The following DMXL2 variants were observed in gnomAD, a reference collection of about 807,000 sequenced individuals.
DMXL2 encodes the protein dmX-like protein 2.
DMXL2 carries 103 observed loss-of-function variants against 331.1 expected under a neutral mutation model. That is an observed-to-expected ratio of 0.31 (90% confidence interval 0.27 to 0.37). The LOEUF is 0.37. Ranked by LOEUF, DMXL2 falls within the 10% of genes least tolerant of loss-of-function variation. DMXL2 has a pLI of 1.00. For missense variants in DMXL2, 3,171 were observed against 3,642.9 expected, an observed-to-expected ratio of 0.87 and a Z score of 3.33; for synonymous variants, 1,281 against 1,252.1, an observed-to-expected ratio of 1.02 and a Z score of -0.49.
In DMXL2 at chr15:51,465,637, T is replaced by C. The variant is rs559189714; in HGVS notation, c.7535A>G (p.His2512Arg). 2 of 1,601,066 alleles carry C rather than the reference T, an allele frequency of 1.2e-6. No individual in the cohort carries two copies. Among genetic ancestry groups the C allele is most frequent in the South Asian group, 1.1e-5 (1 of 88,022 alleles). Residue 2512 changes from histidine (H) to arginine (R), a missense_variant, in exon 31 of 44, where the codon CAT becomes CGT. By Grantham distance (29) the His-to-Arg change is conservative. Around this residue, in one of 7 missense-constraint regions of DMXL2, gnomAD observed 766 missense variants for 940.5 expected, o/e 0.81. Coordinates refer to ENST00000560891, the MANE Select transcript of DMXL2 (RefSeq NM_001378457.1). ...DPNSYSWALL[H>R]LTMVKLALHN... is the part of the protein sequence containing the mutation. ...AAGTGCTAGTTTAACCATTGTCAAA[T>C]GTAGAAGAGCCCAGCTGTTCAAGGA...
intron 20 of DMXL2, among the ~76,000 whole-genome samples, chr15:51,489,141 T>C (rs2042610487): frequency 1.3e-5 from 2 of 152,224 alleles, no homozygotes; most frequent in Non-Finnish European, 2.9e-5. Flanking sequence ...ACATGTTATA[T>C]TGTATGCAAT....
In DMXL2 at chr15:51,576,183, T is replaced by TA. The variant is rs3078066; in HGVS notation, c.88-3dup. On this transcript the variant is annotated splice_region_variant and splice_polypyrimidine_tract_variant and intron_variant, in intron 1 of 43. Transcript: ENST00000560891. ...AATATCACAGCCTGATCCATATGCC[T>TA]AAAAAAAAAAAAAAAAAAAAGTTTT... The TA allele has an allele frequency of 0.063, 39,597 of 624,222 alleles. 10 individuals carry two copies. The highest frequency in any genetic ancestry group is 0.068 in the Non-Finnish European group (33,292 of 490,862). The allele number at this position is 624,222 out of a possible 1,614,324, so 38.7% of individuals were successfully genotyped here. A position where few individuals can be genotyped will look rare whatever the true frequency, so the allele number is the denominator to read the frequency against.
intron 1 of DMXL2, among the ~76,000 whole-genome samples, chr15:51,609,941 A>AC (rs2053847212): frequency 2.4e-5 from 1 of 42,452 alleles, no homozygotes; most frequent in African/African-American, 6.7e-5. Flanking sequence ...AAAAAAAAAA[A>AC]AAAAAACTAT....
intron 1 of DMXL2, chr15:51,603,656 G>A (rs1451317345): frequency 6.6e-6 from 1 of 151,970 alleles, no homozygotes; most frequent in Non-Finnish European, 1.5e-5. Flanking sequence ...CACGAGGTCA[G>A]GAGATCGACA....
chr15:51,454,724 TG>T (rs1482832829), intron 40 of DMXL2, among the ~76,000 whole-genome samples: 1 of 152,194 alleles, frequency 6.6e-6, no homozygotes, highest in Admixed American at 6.5e-5. Context: ...CTCGAACTCC[TG>T]ACCTTGTGAT....
chr15:51,525,980 C>T (rs994355616), intron 13 of DMXL2, among the ~76,000 whole-genome samples: 1 of 151,796 alleles, frequency 6.6e-6, no homozygotes, highest in African/African-American at 2.4e-5. Flanking sequence ...GTGGTTACAG[C>T]AGGCTTTGGG....
In DMXL2 at chr15:51,517,175, T is replaced by C. The variant is rs766412929; in HGVS notation, c.2437-8A>G. ...CACTTCTCCAATAAGTTTCTGTAAATAAAAAACACAAAATGTTAATGGCCA... is the reference window on the plus strand; with the variant it reads ...CACTTCTCCAATAAGTTTCTGTAAACAAAAAACACAAAATGTTAATGGCCA... On this transcript the variant is annotated splice_region_variant and splice_polypyrimidine_tract_variant and intron_variant, in intron 13 of 43. Coordinates refer to ENST00000560891, the MANE Select transcript of DMXL2 (RefSeq NM_001378457.1). 1.9e-6 allele frequency: 3 copies of C among 1,606,210 alleles called. No individual in the cohort carries two copies. The highest frequency in any genetic ancestry group is 2.6e-6 in the Non-Finnish European group (3 of 1,173,106).
At chr15:51,513,553 AT>A (rs1819532037) in intron 15 of DMXL2, among the ~76,000 whole-genome samples, 1 of 152,184 alleles carries the variant, frequency 6.6e-6, no homozygotes, top group Non-Finnish European at 1.5e-5. Context: ...CCTCAATCTG[AT>A]TTTCACTAAA....
intron 8 of DMXL2, 61 bp downstream of exon 8, chr15:51,545,522 G>A: frequency 6.7e-7 from 1 of 1,485,598 alleles, no homozygotes; most frequent in Non-Finnish European, 9.3e-7. Context: ...GTTAGTTCAT[G>A]AATTTCCACC....
intron 8 of DMXL2, among the ~76,000 whole-genome samples, chr15:51,544,930 T>G (rs1448318462): frequency 6.6e-6 from 1 of 152,060 alleles, no homozygotes; most frequent in East Asian, 1.9e-4. Flanking sequence ...TATAATAAAT[T>G]TCTGACAATT....
chr15:51,449,982 G>A, intron 43 of DMXL2, 147 bp downstream of exon 43: 1 of 683,546 alleles, frequency 1.5e-6, no homozygotes, highest in Non-Finnish European at 2.5e-6. Context: ...GGAGCATGGG[G>A]AGGCGGCAGA....
intron 1 of DMXL2, among the ~76,000 whole-genome samples, chr15:51,604,842 T>G (rs1422992671): frequency 6.6e-6 from 1 of 152,150 alleles, no homozygotes; most frequent in Non-Finnish European, 1.5e-5. Flanking sequence ...ATTATAAGAC[T>G]TACCATAAAG....
chr15:51,449,871 T>C (rs563228984), intron 43 of DMXL2, among the ~76,000 whole-genome samples: 49 of 152,184 alleles, frequency 3.2e-4, no homozygotes, highest in African/African-American at 1.1e-3. Context: ...ATTAAACTCA[T>C]ACACTTTACT....
chr15:51,597,829 C>A (rs990975707), intron 1 of DMXL2, among the ~76,000 whole-genome samples: 1 of 152,176 alleles, frequency 6.6e-6, no homozygotes, highest in Admixed American at 6.5e-5. Flanking sequence ...TAATTTTGTG[C>A]AAATCTGTTA....
rs376949761 is a variant in DMXL2, at chr15:51,536,416, T to C, written c.2064A>G (p.Lys688=). The C allele has an allele frequency of 8.1e-6, 13 of 1,613,850 alleles. No homozygotes were observed. The highest frequency in any genetic ancestry group is 1.1e-5 in the Non-Finnish European group (13 of 1,179,936). The change falls in exon 12 of 44, where the codon AAA becomes AAG. Residue 688 remains lysine (K), a synonymous_variant. Transcript: ENST00000560891. The stretch of plus-strand genomic sequence containing the variant: ...TTACAGGGTCCATTAATCTACTTAA[T>C]TTATTGTCTGAGTCCCACTGACAAT... ...ELDCQWDSDN[K]LSRLMDPVKH...
chr15:51,464,119 T>C (rs1461711207), intron 32 of DMXL2, among the ~76,000 whole-genome samples: 1 of 152,156 alleles, frequency 6.6e-6, no homozygotes, highest in Non-Finnish European at 1.5e-5. Flanking sequence ...AGAACATAAA[T>C]ATGCCATACG....
intron 13 of DMXL2, among the ~76,000 whole-genome samples, chr15:51,523,509 C>T (rs750083834): frequency 6.6e-6 from 1 of 152,160 alleles, no homozygotes; most frequent in South Asian, 2.1e-4. Flanking sequence ...CCCAGCATCT[C>T]GGAATGTAAC....
chr15:51,563,059 A>C (rs960936762), intron 6 of DMXL2, among the ~76,000 whole-genome samples: 26 of 152,224 alleles, frequency 1.7e-4, no homozygotes, highest in African/African-American at 5.3e-4. Flanking sequence ...CAAGCAGTAC[A>C]TCTTTTCATT....
Position 51,486,244 on chromosome 15 carries a change from T to C in DMXL2, c.5311A>G (p.Ile1771Val). The C allele has an allele frequency of 6.2e-7, 1 of 1,613,954 alleles. No individual in the cohort carries two copies. The highest frequency in any genetic ancestry group is 8.5e-7 in the Non-Finnish European group (1 of 1,179,856). The change falls in exon 23 of 44, where the codon ATC becomes GTC. Residue 1771 changes from isoleucine (I) to valine (V), a missense_variant. Physicochemically the swap from Ile to Val is conservative, Grantham distance 29. This residue lies in a region of DMXL2 where 252 missense variants were observed against 387.4 expected (regional missense o/e 0.65). Transcript: ENST00000560891. ...CAACCCAAAATCTTCTGATTTAGGA[T>C]GGATATATAAGTGGATGAAGTCTCA... ...EFETSSTYIS[I>V]LNQKILGCQK...
Sources: allele counts gnomAD v4.1 joint callset (sites outside exome capture counted in the v4.1 genomes callset), GRCh38; gene constraint gnomAD v4.1.1; regional missense constraint gnomAD v4.1.1; transcripts MANE v1.5; gene names NCBI Gene and HGNC (gene_info 2026-07-23, HGNC 2026-07-21).